POLR3B: variants seen among roughly 807,000 people sequenced by gnomAD.
The protein encoded by POLR3B is DNA-directed RNA polymerase III subunit RPC2.
POLR3B carries 96 observed loss-of-function variants against 147.4 expected under a neutral mutation model. That is an observed-to-expected ratio of 0.65 (90% CI 0.55 to 0.77). The LOEUF (loss-of-function observed/expected upper bound fraction) is 0.77, where lower values mean the gene tolerates loss of function less well. Among genes scored for constraint, POLR3B ranks in the 30% least tolerant of loss-of-function variants. The pLI, the probability that POLR3B is intolerant of heterozygous loss-of-function variation, is 0.00. For synonymous variants in POLR3B, 461 were observed against 485.9 expected (o/e 0.95, Z 0.67); for missense variants, 1,036 against 1,413.5 (o/e 0.73, Z 4.28).
At chr12:106,383,817 A>G (rs550888768) in intron 9 of POLR3B, among the ~76,000 whole-genome samples, 1 of 152,182 alleles carries the variant, frequency 6.6e-6, no homozygotes, top group Admixed American at 6.5e-5. Flanking sequence ...ATCTGTACTA[A>G]AAATACAAAA....
At chr12:106,392,116 T>G (rs1356170022) in intron 9 of POLR3B, among the ~76,000 whole-genome samples, 1 of 152,210 alleles carries the variant, frequency 6.6e-6, no homozygotes, top group Non-Finnish European at 1.5e-5. Flanking sequence ...TTGAAACACT[T>G]AAGTGGGTTT....
At chr12:106,483,943 G>A (rs1215228866) in intron 23 of POLR3B, among the ~76,000 whole-genome samples, 1 of 152,158 alleles carries the variant, frequency 6.6e-6, no homozygotes, top group Admixed American at 6.5e-5. Flanking sequence ...CTCCAACTAG[G>A]TGAACTATTT....
chr12:106,399,001 G>A (rs1437645148), intron 10 of POLR3B, among the ~76,000 whole-genome samples: 1 of 152,176 alleles, frequency 6.6e-6, no homozygotes, highest in Non-Finnish European at 1.5e-5. Context: ...TTGACGAGTT[G>A]AGAAAAGAAG....
At chr12:106,478,169 A>C (rs2137054530) in intron 23 of POLR3B, among the ~76,000 whole-genome samples, 1 of 151,934 alleles carries the variant, frequency 6.6e-6, no homozygotes, top group African/African-American at 2.4e-5. Flanking sequence ...AGCCTCCCAA[A>C]GTGCTGGGAT....
rs1206241397 is a variant in POLR3B, at chr12:106,405,881, G to A, written c.871G>A (p.Val291Ile). ...GGCATTAAAATATATAGGGAACAAA[G>A]TAAGAAGGCAAAGGATGTGGGGAGG... ...MQALKYIGNK[V>I]RRQRMWGGGP... is the part of the protein sequence containing the mutation. The change falls in exon 11 of 28, where the codon GTA (valine) becomes ATA (isoleucine). Residue 291 changes from valine (V) to isoleucine (I), a missense_variant. This residue lies in a region of POLR3B where 217 missense variants were observed against 288.7 expected (regional missense o/e 0.75). Coordinates refer to ENST00000228347, the MANE Select transcript of POLR3B (RefSeq NM_018082.6). 1.9e-6 allele frequency: 3 copies of A among 1,613,018 alleles called. No individual in the cohort carries two copies. The highest frequency in any genetic ancestry group is 1.7e-5 in the Admixed American group (1 of 59,966).
At chr12:106,477,662 A>T (rs1412066226) in intron 23 of POLR3B, among the ~76,000 whole-genome samples, 5 of 151,974 alleles carry the variant, frequency 3.3e-5, no homozygotes, top group African/African-American at 4.8e-5. Flanking sequence ...TTGACTCGGA[A>T]AGGGAACTCC....
intron 25 of POLR3B, 110 bp downstream of exon 25, chr12:106,497,028 A>G (rs1223976150): frequency 9.1e-7 from 1 of 1,096,442 alleles, no homozygotes; most frequent in Non-Finnish European, 1.4e-6. Context: ...AAGCTTGTAC[A>G]GCCCGTGGGC....
At chr12:106,475,618 T>A (rs1157765405) in intron 23 of POLR3B, among the ~76,000 whole-genome samples, 1 of 135,688 alleles carries the variant, frequency 7.4e-6, no homozygotes, top group African/African-American at 3.1e-5. Context: ...TACCATTATG[T>A]AATGGCCTTC....
intron 22 of POLR3B, among the ~76,000 whole-genome samples, chr12:106,461,154 G>A (rs2037928594): frequency 6.6e-6 from 1 of 151,998 alleles, no homozygotes; most frequent in African/African-American, 2.4e-5. Context: ...GAGTGCAATA[G>A]CACGATCTCG....
intron 13 of POLR3B, among the ~76,000 whole-genome samples, chr12:106,428,197 A>T (rs2037462065): frequency 6.6e-6 from 1 of 152,190 alleles, no homozygotes; most frequent in Admixed American, 6.5e-5. Context: ...TGGATCCCTG[A>T]ATATTTGAAG....
chr12:106,503,829 C>T (rs2038642084), intron 26 of POLR3B, among the ~76,000 whole-genome samples: 1 of 152,138 alleles, frequency 6.6e-6, no homozygotes, highest in Non-Finnish European at 1.5e-5. Context: ...TGATATTATG[C>T]AATTATATAT....
intron 19 of POLR3B, among the ~76,000 whole-genome samples, chr12:106,447,631 C>T (rs536124499): frequency 2.6e-5 from 4 of 152,254 alleles, no homozygotes; most frequent in East Asian, 1.9e-4. Context: ...CATCGGCACC[C>T]GATGCCAAGT....
chr12:106,438,334 A>G (rs1376920444), intron 18 of POLR3B, among the ~76,000 whole-genome samples: 1 of 152,142 alleles, frequency 6.6e-6, no homozygotes, highest in Admixed American at 6.5e-5. Context: ...CATTTATCCT[A>G]GTGAAGAGTA....
Position 106,369,351 on chromosome 12 carries a change from G to C in POLR3B, c.303+1G>C. 6.5e-7 allele frequency: 1 copy of C among 1,528,196 alleles called. No homozygotes were observed. The highest frequency in any genetic ancestry group is 9.1e-7 in the Non-Finnish European group (1 of 1,101,516). 94.7% of individuals were successfully genotyped at this position (1,528,196 alleles called of 1,614,324 possible). ...AACTAGACCAGTGTCCCCTCATGAG[G>C]TAATTATGAACCTTACTTTAATTGG... On this transcript the variant is annotated splice_donor_variant, in intron 5 of 27. Transcript: ENST00000228347. LOFTEE classifies it high-confidence loss of function.
intron 2 of POLR3B, among the ~76,000 whole-genome samples, chr12:106,364,518 T>C (rs1036328206): frequency 2.0e-5 from 3 of 152,246 alleles, no homozygotes; most frequent in South Asian, 2.1e-4. Context: ...TAAAGTGTTA[T>C]AGCCACTTTG....
At chr12:106,380,387 A>G (rs1188412324) in intron 9 of POLR3B, among the ~76,000 whole-genome samples, 1 of 149,024 alleles carries the variant, frequency 6.7e-6, no homozygotes, top group African/African-American at 2.5e-5. Flanking sequence ...CAGCTTGTGC[A>G]ACATGGTGAA....
intron 23 of POLR3B, among the ~76,000 whole-genome samples, chr12:106,495,682 C>T (rs761678075): frequency 1.9e-4 from 29 of 152,270 alleles, no homozygotes; most frequent in Non-Finnish European, 3.8e-4. Flanking sequence ...CAGGAGATCA[C>T]GAACTAGCTA....
chr12:106,446,178 G>A (rs1314552582), intron 19 of POLR3B: 4 of 454,412 alleles, frequency 8.8e-6, no homozygotes, highest in African/African-American at 8.0e-5. Context: ...CTTCTATTGG[G>A]TTTACCAAAC....
chr12:106,362,220 C>T (rs1418743455), intron 1 of POLR3B, among the ~76,000 whole-genome samples: 5 of 151,746 alleles, frequency 3.3e-5, no homozygotes, highest in Non-Finnish European at 7.4e-5. Flanking sequence ...AGAAGGTTGG[C>T]AGGATTGTGT....
Sources: allele counts gnomAD v4.1 joint callset (sites outside exome capture counted in the v4.1 genomes callset), GRCh38; gene constraint gnomAD v4.1.1; regional missense constraint gnomAD v4.1.1; transcripts MANE v1.5; gene names NCBI Gene and HGNC (gene_info 2026-07-23, HGNC 2026-07-21).